STK26: variants seen among roughly 807,000 people sequenced by gnomAD.
STK26 encodes the protein serine/threonine kinase 26, also known as serine/threonine-protein kinase 26.
In STK26, 14 loss-of-function variants were observed where a neutral mutation model predicts 34.7. That is an observed-to-expected ratio of 0.40 (90% CI 0.27 to 0.63). The LOEUF is 0.63. STK26 is among the 30% of genes least tolerant of loss of function. STK26 has a pLI of 0.38. For missense variants in STK26, 226 were observed against 309.1 expected (o/e 0.73, Z 2.02); for synonymous variants, 100 against 109.8 (o/e 0.91, Z 0.56).
At chrX:132,039,583 A>T (rs1445081860) in intron 2 of STK26, among the ~76,000 whole-genome samples, 1 of 111,805 alleles carries the variant, frequency 8.9e-6, no homozygotes, top group Non-Finnish European at 1.9e-5. Flanking sequence ...CATTTTATAT[A>T]TTGAAGGGAT....
chrX:132,066,411 T>C (rs1927224121), intron 4 of STK26, among the ~76,000 whole-genome samples: 1 of 112,228 alleles, frequency 8.9e-6, no homozygotes, highest in Non-Finnish European at 1.9e-5. Context: ...CTCACAAATG[T>C]ACAGTCTTCG....
chrX:132,052,784 G>GATATATCCTA (rs1011617493), intron 2 of STK26, among the ~76,000 whole-genome samples: 1 of 112,050 alleles, frequency 8.9e-6, no homozygotes, highest in African/African-American at 3.2e-5. Flanking sequence ...CTTATCAGAA[G>GATATATCCTA]ATATATCCTA....
At chrX:132,064,836 T>C (rs1393482624) in intron 4 of STK26, among the ~76,000 whole-genome samples, 1 of 112,242 alleles carries the variant, frequency 8.9e-6, no homozygotes, top group Non-Finnish European at 1.9e-5. Context: ...ATTCTTATTT[T>C]TTTAGGTGGA....
rs776835726 is a variant in STK26 at position 132,037,219 on chromosome X, T to C, written c.42+13560T>C. 1.3e-4 allele frequency among the ~76,000 whole-genome samples: 15 copies of C among 112,204 alleles called. No homozygotes were observed. In the South Asian group the frequency reaches 5.1e-3, roughly 38 times the overall value. On this transcript the variant is annotated intron_variant, in intron 2 of 11. Transcript: ENST00000394334. The stretch of plus-strand genomic sequence containing the variant: ...GAGTATGTACCTATGTCTAAATATA[T>C]AATAGTATTGTCAGGATTTTACACA...
intron 3 of STK26, among the ~76,000 whole-genome samples, chrX:132,058,423 A>G (rs1394673034): frequency 9.0e-6 from 1 of 111,607 alleles, no homozygotes; most frequent in Non-Finnish European, 1.9e-5. Context: ...GACCTAAAAT[A>G]TTAAATACGC....
At chrX:132,041,568 T>G (rs940079720) in intron 2 of STK26, among the ~76,000 whole-genome samples, 1 of 110,705 alleles carries the variant, frequency 9.0e-6, no homozygotes, top group Admixed American at 9.7e-5. Flanking sequence ...ATTAAGAAAC[T>G]TTGTCATTTA....
rs201758864 is a variant in STK26 at position 132,069,528 on chromosome X, G to A, written c.648G>A (p.Glu216=). 9 of 1,162,730 alleles carry A rather than the reference G, an allele frequency of 7.7e-6. No individual in the cohort carries two copies. Among genetic ancestry groups the A allele is most frequent in the Non-Finnish European group, 9.2e-6 (8 of 872,057 alleles). The change falls in exon 7 of 12, where the codon GAG becomes GAA. Residue 216 remains glutamate (E), a synonymous_variant. Coordinates refer to ENST00000394334, the MANE Select transcript of STK26 (RefSeq NM_016542.4). Reference sequence around the variant, plus strand: ...CTGCTATTGAACTAGCCAAGGGAGAGCCACCTAACTCCGATATGCATCCAA... The same window carrying A: ...CTGCTATTGAACTAGCCAAGGGAGAACCACCTAACTCCGATATGCATCCAA... ...GITAIELAKG[E]PPNSDMHPMR...
chrX:132,071,742 A>G (rs1213328731), intron 8 of STK26, among the ~76,000 whole-genome samples: 3 of 112,227 alleles, frequency 2.7e-5, no homozygotes, highest in Non-Finnish European at 3.8e-5. Flanking sequence ...AAGTCTGTCA[A>G]TTAATTTAGA....
chrX:132,023,677 G>C lies in STK26; in HGVS notation c.42+18G>C, dbSNP rs1356712939. 2 of 1,171,973 alleles carry C rather than the reference G, an allele frequency of 1.7e-6. No homozygotes were observed. The highest frequency in any genetic ancestry group is 1.8e-5 in the African/African-American group (1 of 56,609). On this transcript the variant is annotated intron_variant, in intron 2 of 11. Transcript: ENST00000394334. ...GGATGCAGGTGAGGAAGCGCAGGCC[G>C]CCCCCGCCGCCCACGTGACTGCTTG...
chrX:132,073,891 CT>C (rs1268209016), intron 11 of STK26, among the ~76,000 whole-genome samples: 2 of 111,504 alleles, frequency 1.8e-5, no homozygotes, highest in African/African-American at 3.3e-5. Flanking sequence ...ACCTAACCCC[CT>C]CTTAAAATCC....
At chrX:132,028,424 A>G (rs1189949246) in intron 2 of STK26, among the ~76,000 whole-genome samples, 1 of 111,442 alleles carries the variant, frequency 9.0e-6, no homozygotes, top group Non-Finnish European at 1.9e-5. Context: ...TCTGTTCTAG[A>G]CTTGTGAATT....
At chrX:132,056,562 C>T (rs755186211) in intron 3 of STK26, among the ~76,000 whole-genome samples, 8 of 111,369 alleles carry the variant, frequency 7.2e-5, no homozygotes, top group South Asian at 3.8e-4. Flanking sequence ...AAATCATAGC[C>T]GAGTAGATCC....
chrX:132,052,873 T>C (rs1926733893), intron 2 of STK26, among the ~76,000 whole-genome samples: 1 of 112,097 alleles, frequency 8.9e-6, no homozygotes, highest in Non-Finnish European at 1.9e-5. Context: ...AATATTTTTT[T>C]CTAAAGGAAG....
intron 2 of STK26, among the ~76,000 whole-genome samples, chrX:132,029,436 TG>T (rs1925743538): frequency 9.0e-6 from 1 of 111,136 alleles, no homozygotes; most frequent in African/African-American, 3.3e-5. Flanking sequence ...TTATGATGTA[TG>T]GGGGGCAGTT....
rs57609807 is a variant in STK26, at chrX:132,069,410, C to CATATATATATATAT, written c.598-39_598-26dup. On this transcript the variant is annotated intron_variant, in intron 6 of 11. Coordinates refer to ENST00000394334, the MANE Select transcript of STK26 (RefSeq NM_016542.4). ...TTTCAAGGTGATATACATACATACACATATATATATATATATATATATATA... is the reference window on the plus strand; with the variant it reads ...TTTCAAGGTGATATACATACATACACATATATATATATATATATATATATATATATATATATATA... The CATATATATATATAT allele has an allele frequency of 1.5e-3, 136 of 93,791 alleles. 1 individual carries two copies. The highest frequency in any genetic ancestry group is 4.6e-3 in the African/African-American group (71 of 15,500). 7.7% of individuals were successfully genotyped at this position (93,791 alleles called of 1,213,427 possible).
At chrX:132,072,697 C>A (rs779645449) in intron 9 of STK26, 116 bp from the exon 10 acceptor site, 23 of 745,629 alleles carry the variant, frequency 3.1e-5, no homozygotes, top group Non-Finnish European at 4.4e-5. Flanking sequence ...ACTTGCCTTG[C>A]ATACAATCTT....
chrX:132,063,609 T>A, intron 4 of STK26, 120 bp downstream of exon 4: 1 of 595,067 alleles, frequency 1.7e-6, no homozygotes, highest in Non-Finnish European at 2.6e-6. Context: ...AGTTAATATG[T>A]TCAAATTAAA....
At chrX:132,072,766 A>G (rs1289734426) in intron 9 of STK26, 47 bp from the exon 10 acceptor site, 1 of 1,130,334 alleles carries the variant, frequency 8.8e-7, no homozygotes, top group Admixed American at 2.2e-5. Context: ...GAAAATCATG[A>G]CACTTATTTT....
At chrX:132,031,842 CA>C (rs1380330375) in intron 2 of STK26, among the ~76,000 whole-genome samples, 2 of 111,897 alleles carry the variant, frequency 1.8e-5, no homozygotes, top group Non-Finnish European at 3.8e-5. Context: ...ACTCCTATAA[CA>C]TAGAGTGATT....
Sources: allele counts gnomAD v4.1 joint callset (sites outside exome capture counted in the v4.1 genomes callset), GRCh38; gene constraint gnomAD v4.1.1; transcripts MANE v1.5; gene names NCBI Gene and HGNC (gene_info 2026-07-23, HGNC 2026-07-21).